The following PXDNL variants were observed in gnomAD, a reference collection of about 807,000 sequenced individuals.
PXDNL encodes the protein probable oxidoreductase PXDNL.
PXDNL carries 145 observed loss-of-function variants against 150.8 expected under a neutral mutation model. The observed-to-expected ratio is 0.96, with a 90% CI of 0.84 to 1.10. The LOEUF (loss-of-function observed/expected upper bound fraction) is 1.10, where lower values mean the gene tolerates loss of function less well. PXDNL is among the 50% of genes least tolerant of loss of function. The pLI, the probability that PXDNL is intolerant of heterozygous loss-of-function variation, is 0.00. For missense variants in PXDNL, 2,087 were observed against 1,873.9 expected, an observed-to-expected ratio of 1.11 and a Z score of -2.10; for synonymous variants, 757 against 725.7, an observed-to-expected ratio of 1.04 and a Z score of -0.69.
At chr8:51,372,478 G>A (rs1174743862) in intron 18 of PXDNL, among the ~76,000 whole-genome samples, 5 of 152,124 alleles carry the variant, frequency 3.3e-5, no homozygotes, top group South Asian at 2.1e-4. Flanking sequence ...TCTACCTCCC[G>A]AGTTCACGCA....
At chr8:51,320,754 G>A in intron 22 of PXDNL, 30 bp downstream of exon 22, 1 of 1,359,990 alleles carries the variant, frequency 7.4e-7, no homozygotes, top group Non-Finnish European at 1.0e-6. Context: ...GTGAAATGGG[G>A]AGTTGGACTG....
At chr8:51,442,471 G>T (rs1022642980) in intron 12 of PXDNL, among the ~76,000 whole-genome samples, 2 of 151,474 alleles carry the variant, frequency 1.3e-5, no homozygotes, top group East Asian at 3.9e-4. Context: ...CTCATTTATT[G>T]ATTAAGCAAG....
At chr8:51,361,432 A>C (rs1224490130) in intron 19 of PXDNL, among the ~76,000 whole-genome samples, 2 of 152,166 alleles carry the variant, frequency 1.3e-5, no homozygotes, top group African/African-American at 4.8e-5. Context: ...TCATTGACTA[A>C]GTTGATCAAG....
At chr8:51,574,821 A>G (rs926463468) in intron 3 of PXDNL, among the ~76,000 whole-genome samples, 2 of 152,060 alleles carry the variant, frequency 1.3e-5, no homozygotes, top group Non-Finnish European at 2.9e-5. Flanking sequence ...AGTACTCTTC[A>G]GGAATAAAGG....
At chr8:51,422,615 T>A (rs1030543616) in intron 14 of PXDNL, among the ~76,000 whole-genome samples, 7 of 152,178 alleles carry the variant, frequency 4.6e-5, no homozygotes, top group Admixed American at 4.6e-4. Context: ...TAAAAAAGAA[T>A]CTGCGAAACC....
chr8:51,396,695 T>C (rs1409657911), intron 17 of PXDNL, among the ~76,000 whole-genome samples: 1 of 152,062 alleles, frequency 6.6e-6, no homozygotes, highest in African/African-American at 2.4e-5. Context: ...GAGGCAAAGG[T>C]TGAGGTGAGC....
At chr8:51,665,086 C>A (rs1245128486) in intron 1 of PXDNL, among the ~76,000 whole-genome samples, 1 of 152,196 alleles carries the variant, frequency 6.6e-6, no homozygotes, top group Non-Finnish European at 1.5e-5. Context: ...GCTGCCAATG[C>A]CAGGACTGGC....
At chr8:51,357,111 C>A (rs1806533316) in intron 19 of PXDNL, among the ~76,000 whole-genome samples, 1 of 152,176 alleles carries the variant, frequency 6.6e-6, no homozygotes, top group Non-Finnish European at 1.5e-5. Flanking sequence ...AAAACCCCTC[C>A]TCATGGACAA....
intron 3 of PXDNL, among the ~76,000 whole-genome samples, chr8:51,586,611 C>T (rs1368511159): frequency 1.3e-5 from 2 of 152,156 alleles, no homozygotes; most frequent in Non-Finnish European, 2.9e-5. Context: ...TTCAATGGCA[C>T]TTACTTGCCT....
rs1563476027 is a variant in PXDNL at position 51,592,608 on chromosome 8, G to GT, written c.308+18dup. Reference sequence around the variant, plus strand: ...TCAAACAACACCATAAGGCATTGTTGTTTTTTCTTATAACTTACAGATATA... The same window carrying GT: ...TCAAACAACACCATAAGGCATTGTTGTTTTTTTCTTATAACTTACAGATATA... On this transcript the variant is annotated intron_variant, in intron 3 of 22. Coordinates refer to ENST00000356297, the MANE Select transcript of PXDNL (RefSeq NM_144651.5). 6.7e-7 allele frequency: 1 copy of GT among 1,503,406 alleles called. No homozygotes were observed. Among genetic ancestry groups the GT allele is most frequent in the Admixed American group, 2.1e-5 (1 of 48,136 alleles). The allele number at this position is 1,503,406 out of a possible 1,614,324, so 93.1% of individuals were successfully genotyped here. A position where few individuals can be genotyped will look rare whatever the true frequency, so the allele number is the denominator to read the frequency against.
In PXDNL at chr8:51,358,884, C is replaced by A. The variant is rs1462054416; in HGVS notation, c.3902-12937G>T. ...ACACAATCCTCCTAAAGGCTGCAGG[C>A]CTGGGGGAACCACGCCCAGCCCTGC... On this transcript the variant is annotated intron_variant, in intron 19 of 22. Transcript: ENST00000356297. Among the ~76,000 whole-genome samples the A allele has an allele frequency of 3.3e-5, 5 of 152,178 alleles. No homozygotes were observed. The South Asian group carries it at 1.0e-3, about 32-fold the overall frequency.
intron 2 of PXDNL, among the ~76,000 whole-genome samples, chr8:51,643,471 G>C (rs1051642436): frequency 7.2e-5 from 11 of 152,166 alleles, no homozygotes; most frequent in Non-Finnish European, 1.5e-4. Flanking sequence ...AAATGGTGTT[G>C]GGAAAACTGG....
intron 1 of PXDNL, among the ~76,000 whole-genome samples, chr8:51,701,216 T>C (rs915172808): frequency 6.6e-6 from 1 of 152,122 alleles, no homozygotes; most frequent in Non-Finnish European, 1.5e-5. Flanking sequence ...GCATTTACCA[T>C]TTTTGCCTTC....
At chr8:51,471,669 G>T (rs565176427) in intron 8 of PXDNL, among the ~76,000 whole-genome samples, 1 of 151,524 alleles carries the variant, frequency 6.6e-6, no homozygotes, top group African/African-American at 2.4e-5. Context: ...CTGAGGTCTG[G>T]AAATGCATAA....
rs762947295 is a variant in PXDNL, at chr8:51,644,337, T to TATACAC, written c.236+10351_236+10352insGTGTAT. ...ACATTTTTACATATATATATATATATACACACACACACACACACACACACA... is the reference window on the plus strand; with the variant it reads ...ACATTTTTACATATATATATATATATATACACACACACACACACACACACACACACA... On this transcript the variant is annotated intron_variant, in intron 2 of 22. Transcript: ENST00000356297. Among the ~76,000 whole-genome samples, 104 of 50,194 alleles carry TATACAC rather than the reference T, an allele frequency of 2.1e-3. 9 individuals carry two copies. The highest frequency in any genetic ancestry group is 7.7e-3 in the East Asian group (12 of 1,568). The allele number at this position is 50,194 out of a possible 152,430, so 32.9% of individuals were successfully genotyped here.
chr8:51,773,359 C>A (rs996565937), intron 1 of PXDNL, among the ~76,000 whole-genome samples: 1 of 152,194 alleles, frequency 6.6e-6, no homozygotes, highest in Admixed American at 6.5e-5. Context: ...CATCACATTA[C>A]AGCCATTCTT....
At chr8:51,336,441 T>C (rs1805831406) in intron 21 of PXDNL, among the ~76,000 whole-genome samples, 1 of 152,180 alleles carries the variant, frequency 6.6e-6, no homozygotes, top group African/African-American at 2.4e-5. Context: ...CCATTAAAAT[T>C]TATGTCTCAG....
chr8:51,575,145 A>G (rs781342824), intron 3 of PXDNL, among the ~76,000 whole-genome samples: 8 of 152,040 alleles, frequency 5.3e-5, no homozygotes, highest in Non-Finnish European at 8.8e-5. Flanking sequence ...AAGGGACTTA[A>G]GAGGAGGAAA....
intron 1 of PXDNL, among the ~76,000 whole-genome samples, chr8:51,691,797 G>A (rs1236051952): frequency 6.6e-6 from 1 of 151,916 alleles, no homozygotes; most frequent in Non-Finnish European, 1.5e-5. Flanking sequence ...TTATTTTTCA[G>A]AACACTTATC....
Sources: allele counts gnomAD v4.1 joint callset (sites outside exome capture counted in the v4.1 genomes callset), GRCh38; gene constraint gnomAD v4.1.1; transcripts MANE v1.5; gene names NCBI Gene and HGNC (gene_info 2026-07-23, HGNC 2026-07-21).